INTS4: variants seen among roughly 807,000 people sequenced by gnomAD.
INTS4 encodes MSTP093.
A neutral mutation model predicts 119.5 loss-of-function variants in INTS4; 70 were observed. The observed-to-expected ratio is 0.59, with a 90% CI of 0.48 to 0.71. INTS4 has a LOEUF of 0.71. INTS4 is among the 30% of genes least tolerant of loss of function. The pLI, the probability that INTS4 is intolerant of heterozygous loss-of-function variation, is 0.00. For synonymous variants in INTS4, 316 were observed against 419.6 expected (o/e 0.75, Z 3.02); for missense variants, 867 against 1,173.2 (o/e 0.74, Z 3.81).
chr11:77,978,778 A>G (rs373169576), intron 4 of INTS4: 26 of 266,206 alleles, frequency 9.8e-5, no homozygotes, highest in African/African-American at 5.5e-4. Flanking sequence ...AGCAGAGTGC[A>G]TTATTAGGCA....
Position 77,892,235 on chromosome 11 carries a change from C to T in INTS4, c.2289-395G>A, listed in dbSNP as rs111557755. ...ACACAGTGAACGGAAGAGAAAAAAA[C>T]GATTGCTTCAATGGAGCTTACATTC... On this transcript the variant is annotated intron_variant, in intron 19 of 22. Coordinates refer to ENST00000534064, the MANE Select transcript of INTS4 (RefSeq NM_033547.4). Among the ~76,000 whole-genome samples the T allele has an allele frequency of 6.5e-3, 989 of 152,228 alleles. 10 individuals carry two copies. Among genetic ancestry groups the T allele is most frequent in the African/African-American group, 0.023 (948 of 41,526 alleles).
At chr11:77,935,683 G>A (rs1309947838) in intron 10 of INTS4, among the ~76,000 whole-genome samples, 1 of 151,986 alleles carries the variant, frequency 6.6e-6, no homozygotes, top group Non-Finnish European at 1.5e-5. Context: ...ATTGCTTGAG[G>A]CCAGGACTTC....
At chr11:77,981,926 G>C (rs949514208) in intron 2 of INTS4, among the ~76,000 whole-genome samples, 1 of 151,960 alleles carries the variant, frequency 6.6e-6, no homozygotes, top group Non-Finnish European at 1.5e-5. Context: ...ATGCCATTCT[G>C]ATGTCATTAT....
intron 4 of INTS4, among the ~76,000 whole-genome samples, chr11:77,968,750 G>A (rs1169052184): frequency 6.6e-6 from 1 of 152,072 alleles, no homozygotes; most frequent in East Asian, 1.9e-4. Flanking sequence ...CAAGAGAACT[G>A]AAAACATGTA....
intron 11 of INTS4, among the ~76,000 whole-genome samples, chr11:77,925,610 G>T (rs1184080434): frequency 6.6e-6 from 1 of 152,226 alleles, no homozygotes. Context: ...AATATTAAAA[G>T]AGAGGCAAAT....
intron 9 of INTS4, 78 bp downstream of exon 9, chr11:77,941,101 TA>T (rs1953919401): frequency 6.4e-7 from 1 of 1,552,830 alleles, no homozygotes; most frequent in Non-Finnish European, 8.7e-7. Context: ...GCTGCTAAGT[TA>T]AATCAACACA....
intron 12 of INTS4, among the ~76,000 whole-genome samples, chr11:77,923,193 C>T (rs1243281078): frequency 3.3e-5 from 5 of 151,886 alleles, no homozygotes; most frequent in Non-Finnish European, 7.4e-5. Context: ...TGGCACGGGC[C>T]TGTAGTCCCA....
chr11:77,938,728 A>G lies in INTS4; in HGVS notation c.1088T>C (p.Val363Ala). Residue 363 changes from valine (V) to alanine (A), a missense_variant, in exon 10 of 23, where the codon GTA becomes GCA. This residue lies in a region of INTS4 where 208 missense variants were observed against 306.6 expected (regional missense o/e 0.68). Transcript: ENST00000534064. ...KWGDDAPKEE[V>A]DTGAVNLIES... ...AATCAAGTTCACAGCCCCGGTATCT[A>G]CTTCTTCCTTGGGAGCATCATCTCC... The G allele has an allele frequency of 1.9e-6, 3 of 1,611,948 alleles. No homozygotes were observed. Among genetic ancestry groups the G allele is most frequent in the Non-Finnish European group, 2.5e-6 (3 of 1,179,844 alleles).
intron 15 of INTS4, among the ~76,000 whole-genome samples, chr11:77,910,624 T>A (rs1953069525): frequency 1.3e-5 from 2 of 151,890 alleles, no homozygotes; most frequent in Non-Finnish European, 1.5e-5. Context: ...AAAAAAAAAA[T>A]TTAGTTTTTT....
chr11:77,969,434 G>A (rs1410583371), intron 4 of INTS4, among the ~76,000 whole-genome samples: 3 of 152,056 alleles, frequency 2.0e-5, no homozygotes, highest in Non-Finnish European at 4.4e-5. Flanking sequence ...AGGGTGGAAC[G>A]CAGTGATGTC....
chr11:77,963,352 CAAAA>C (rs777966254), intron 4 of INTS4: 68 of 177,404 alleles, frequency 3.8e-4, no homozygotes, highest in Middle Eastern at 2.1e-3. Flanking sequence ...GACTCCGTCT[CAAAA>C]AAAAAAAAAA....
chr11:77,968,696 T>C (rs982550578), intron 4 of INTS4, among the ~76,000 whole-genome samples: 1 of 152,176 alleles, frequency 6.6e-6, no homozygotes, highest in African/African-American at 2.4e-5. Context: ...ACTTAAACAC[T>C]TAATTACCAT....
chr11:77,907,931 C>T (rs548772254), intron 15 of INTS4, 121 bp from the exon 16 acceptor site: 18 of 622,322 alleles, frequency 2.9e-5, no homozygotes, highest in African/African-American at 9.3e-5. Context: ...TTTTAAATGA[C>T]GACACTGAAT....
At chr11:77,879,945 C>T (rs1223951090) in intron 22 of INTS4, among the ~76,000 whole-genome samples, 5 of 152,092 alleles carry the variant, frequency 3.3e-5, no homozygotes, top group Non-Finnish European at 5.9e-5. Flanking sequence ...GCAAAAATCC[C>T]AAGAATCAGA....
At chr11:77,939,295 G>A (rs112963441) in intron 9 of INTS4, among the ~76,000 whole-genome samples, 1 of 152,174 alleles carries the variant, frequency 6.6e-6, no homozygotes, top group East Asian at 1.9e-4. Flanking sequence ...GGCCAACATG[G>A]TGAAACTCCA....
chr11:77,940,408 G>A (rs1364538010), intron 9 of INTS4, among the ~76,000 whole-genome samples: 2 of 152,074 alleles, frequency 1.3e-5, no homozygotes, highest in South Asian at 2.1e-4. Context: ...TTCAGCCTGG[G>A]CAATAGAGTG....
intron 10 of INTS4, among the ~76,000 whole-genome samples, chr11:77,933,636 C>G (rs549419583): frequency 6.6e-6 from 1 of 152,186 alleles, no homozygotes; most frequent in Non-Finnish European, 1.5e-5. Flanking sequence ...AGCCTCTGCC[C>G]GGCCGCCACC....
At chr11:77,877,086 T>C (rs1253357307), downstream of INTS4, 1 of 701,680 alleles carries the variant, frequency 1.4e-6, no homozygotes, top group Non-Finnish European at 2.6e-6. Flanking sequence ...CTGGAGTTAA[T>C]CATTCTTCCC....
chr11:77,942,641 T>C (rs1953956646), intron 8 of INTS4, among the ~76,000 whole-genome samples: 1 of 152,178 alleles, frequency 6.6e-6, no homozygotes, highest in African/African-American at 2.4e-5. Context: ...AGAACATAGA[T>C]TTATATTTCA....
Sources: allele counts gnomAD v4.1 joint callset (sites outside exome capture counted in the v4.1 genomes callset), GRCh38; gene constraint gnomAD v4.1.1; regional missense constraint gnomAD v4.1.1; transcripts MANE v1.5; gene names NCBI Gene and HGNC (gene_info 2026-07-23, HGNC 2026-07-21).